The following PLCH2 variants were observed in gnomAD, a reference collection of about 807,000 sequenced individuals.
PLCH2 encodes 1-phosphatidylinositol 4,5-bisphosphate phosphodiesterase eta-2.
PLCH2 carries 98 observed loss-of-function variants against 134.7 expected under a neutral mutation model. The observed-to-expected ratio is 0.73, with a 90% confidence interval of 0.62 to 0.86. The LOEUF is 0.86. Ranked by LOEUF, PLCH2 falls within the 40% of genes least tolerant of loss-of-function variation. The pLI is 0.00. For synonymous variants in PLCH2, 974 were observed against 827.5 expected (o/e 1.18, Z -3.04); for missense variants, 1,994 against 1,986.6 (o/e 1.00, Z -0.07).
chr1:2,420,642 G>A, the PLCH2 span, among the ~76,000 whole-genome samples: 10 of 152,194 alleles, frequency 6.6e-5, no homozygotes, highest in African/African-American at 2.4e-4. Flanking sequence ...GAGTCAGAGA[G>A]GGAGAGTTTA....
chr1:2,455,304 C>T (rs908464048), intron 2 of PLCH2, among the ~76,000 whole-genome samples: 1 of 152,182 alleles, frequency 6.6e-6, no homozygotes, highest in African/African-American at 2.4e-5. Context: ...CCCGGCAGGT[C>T]CCTGTTCCCC....
upstream of PLCH2, among the ~76,000 whole-genome samples, chr1:2,424,013 C>T (rs1330057636): frequency 4.6e-5 from 7 of 152,174 alleles, no homozygotes; most frequent in Non-Finnish European, 8.8e-5. Context: ...GGTGCTCCCA[C>T]CCTGGCCTCC....
upstream of PLCH2, among the ~76,000 whole-genome samples, chr1:2,476,151 T>A (rs566202681): frequency 2.6e-4 from 39 of 152,358 alleles, 1 homozygote; most frequent in South Asian, 8.1e-3. Context: ...TCTGGTGGCC[T>A]GGGGCCTTGG....
intron 9 of PLCH2, 110 bp from the exon 10 acceptor site, chr1:2,489,648 CTG>C: frequency 2.3e-6 from 2 of 887,118 alleles, no homozygotes; most frequent in East Asian, 5.0e-5. Flanking sequence ...GATGCCAAAA[CTG>C]AGCTTGAGAA....
At chr1:2,425,282 TATACACATGCACAG>T (rs1638737454), upstream of PLCH2, among the ~76,000 whole-genome samples, 1 of 151,132 alleles carries the variant, frequency 6.6e-6, no homozygotes, top group Admixed American at 6.6e-5. Flanking sequence ...CACACACATA[TATACACATGCACAG>T]ATACACATAT....
intron 4 of PLCH2, among the ~76,000 whole-genome samples, chr1:2,483,564 GCT>G (rs1484022003): frequency 6.6e-6 from 1 of 152,174 alleles, no homozygotes; most frequent in East Asian, 1.9e-4. Flanking sequence ...AGCAGGTCAT[GCT>G]CTCACCCTGC....
chr1:2,494,531 G>C (rs1642768019), intron 11 of PLCH2: 2 of 449,448 alleles, frequency 4.4e-6, no homozygotes, highest in Non-Finnish European at 8.2e-6. Context: ...CCACTGGTGG[G>C]AAAAAAGGAT....
At chr1:2,459,426 C>CTGGTGGTCCTCCTTCCT (rs1557969496) in intron 2 of PLCH2, among the ~76,000 whole-genome samples, 2 of 26,256 alleles carry the variant, frequency 7.6e-5, no homozygotes, top group East Asian at 1.0e-3. Context: ...TCCTCCTTGC[C>CTGGTGGTCCTCCTTCCT]GGTGGTCCTC....
chr1:2,477,257 G>A (rs976930395), intron 1 of PLCH2, among the ~76,000 whole-genome samples: 11 of 152,078 alleles, frequency 7.2e-5, no homozygotes, highest in African/African-American at 2.7e-4. Context: ...GCAGGCCTCT[G>A]CCCGCCCCCT....
chr1:2,438,141 C>G (rs1217553526), intron 2 of PLCH2, among the ~76,000 whole-genome samples: 2 of 152,258 alleles, frequency 1.3e-5, no homozygotes, highest in Admixed American at 1.3e-4. Context: ...CCACCTGGCT[C>G]AGAGCCCTGG....
intron 11 of PLCH2, chr1:2,494,333 G>A (rs1305104812): frequency 5.6e-6 from 1 of 177,058 alleles, no homozygotes; most frequent in African/African-American, 2.4e-5. Context: ...AAGGCTCACA[G>A]TGGTTTCCTG....
chr1:2,436,480 TCCTCCCC>T (rs1356460903), intron 2 of PLCH2, among the ~76,000 whole-genome samples: 6 of 26,608 alleles, frequency 2.3e-4, no homozygotes, highest in African/African-American at 8.0e-4. Flanking sequence ...CCTTCCTCCC[TCCTCCCC>T]TCCTCCCTCC....
At chr1:2,502,461 C>T (rs12736998) in intron 21 of PLCH2, 52 bp downstream of exon 21, 742,618 of 1,511,368 alleles carry the variant, frequency 0.49, 186,813 homozygotes, top group Non-Finnish European at 0.52. Flanking sequence ...GTGCGGCCCC[C>T]GCGTGTCCTG....
intron 4 of PLCH2, among the ~76,000 whole-genome samples, chr1:2,482,744 G>A (rs1642042622): frequency 6.6e-6 from 1 of 152,318 alleles, no homozygotes; most frequent in Non-Finnish European, 1.5e-5. Context: ...GGCCACCCCA[G>A]ATCGTGGCCA....
intron 1 of PLCH2, among the ~76,000 whole-genome samples, chr1:2,428,219 C>A (rs113841966): frequency 6.6e-6 from 1 of 152,196 alleles, no homozygotes; most frequent in Non-Finnish European, 1.5e-5. Flanking sequence ...GGCCTGGCAC[C>A]GGCAATGTCC....
rs900334343 is a variant in PLCH2 at position 2,487,072 on chromosome 1, C to A, written c.910+72C>A. 4 of 1,507,684 alleles carry A rather than the reference C, an allele frequency of 2.7e-6. No homozygotes were observed. In the African/African-American group the frequency reaches 5.5e-5, roughly 21 times the overall value. The allele number at this position is 1,507,684 out of a possible 1,614,324, so 93.4% of individuals were successfully genotyped here. A position where few individuals can be genotyped will look rare whatever the true frequency, so the allele number is the denominator to read the frequency against. ...GGGCAACGAGGGCCCAACCTGTGGG[C>A]CGGGACAGGTGTTCTGTGTTCTGTG... On this transcript the variant is annotated intron_variant, in intron 6 of 21. Coordinates refer to ENST00000378486, the MANE Select transcript of PLCH2 (RefSeq NM_014638.4).
At position 2,444,523 on chromosome 1, in the gene PLCH2, G is replaced by A. The variant is rs778121124; in HGVS notation, c.115+13894G>A. Reference sequence around the variant, plus strand: ...CCCTGCTGGATGGTCTGTAGGACACGGGAGGGGGAAGTGTTTGAGTGTCCA... The same window carrying A: ...CCCTGCTGGATGGTCTGTAGGACACAGGAGGGGGAAGTGTTTGAGTGTCCA... On this transcript the variant is annotated intron_variant, in intron 2 of 3. Coordinates refer to the PLCH2 transcript ENST00000609981. The surrounding 1 kb of genome is among the most constrained non-coding windows in gnomAD (Gnocchi z 4.6). Among the ~76,000 whole-genome samples the A allele has an allele frequency of 4.3e-5, 6 of 140,842 alleles. No individual in the cohort carries two copies. Among genetic ancestry groups the A allele is most frequent in the Non-Finnish European group, 8.0e-5 (5 of 62,652 alleles). 92.4% of individuals were successfully genotyped at this position (140,842 alleles called of 152,430 possible). A position where few individuals can be genotyped will look rare whatever the true frequency, so the allele number is the denominator to read the frequency against.
chr1:2,454,711 C>A (rs995316625), intron 2 of PLCH2, among the ~76,000 whole-genome samples: 6 of 152,180 alleles, frequency 3.9e-5, no homozygotes, highest in Non-Finnish European at 8.8e-5. Context: ...TGGGATAAAC[C>A]GGGAATGGTG....
chr1:2,436,693 G>A lies in PLCH2; in HGVS notation c.115+6064G>A, dbSNP rs1346018969. Among the ~76,000 whole-genome samples the A allele has an allele frequency of 2.6e-5, 4 of 152,202 alleles. 1 individual carries two copies. Among genetic ancestry groups the A allele is most frequent in the South Asian group, 4.1e-4 (2 of 4,828 alleles). On this transcript the variant is annotated intron_variant, in intron 2 of 3. Transcript: ENST00000609981. Reference sequence around the variant, plus strand: ...AGAGGCAGGGGTGGGTGGCTATGCAGGCTGTGCTGGCAGGCATGGCCTGAG... The same window carrying A: ...AGAGGCAGGGGTGGGTGGCTATGCAAGCTGTGCTGGCAGGCATGGCCTGAG...
Sources: gnomAD v4.1 joint callset for allele counts (sites outside exome capture counted in the v4.1 genomes callset) on GRCh38, gnomAD v4.1.1 for gene constraint, Gnocchi (gnomAD v3.1) non-coding constraint, MANE v1.5 for transcripts, NCBI Gene and HGNC (gene_info 2026-07-23, HGNC 2026-07-21) for gene names.